The following RANBP2 variants were observed in gnomAD, a reference collection of about 807,000 sequenced individuals.
RANBP2 encodes E3 SUMO-protein ligase RanBP2.
RANBP2 carries 57 observed loss-of-function variants against 303.6 expected under a neutral mutation model. That is an observed-to-expected ratio of 0.19 (90% CI 0.15 to 0.23). The LOEUF (loss-of-function observed/expected upper bound fraction) is 0.23. Among genes scored for constraint, RANBP2 ranks in the 10% least tolerant of loss-of-function variants. The pLI, the probability that RANBP2 is intolerant of heterozygous loss-of-function variation, is 1.00. For missense variants in RANBP2, 3,138 were observed against 3,780.8 expected (o/e 0.83, Z 4.46); for synonymous variants, 1,167 against 1,301.5 (o/e 0.90, Z 2.23).
At chr2:109,170,259 C>T in the RANBP2 span, among the ~76,000 whole-genome samples, 769 of 30,392 alleles carry the variant, frequency 0.025, 13 homozygotes, top group African/African-American at 0.066. Context: ...CTTCTCTTCT[C>T]TTCTCTTCTC....
At chr2:109,533,912 G>T in the RANBP2 span, among the ~76,000 whole-genome samples, 1 of 152,156 alleles carries the variant, frequency 6.6e-6, no homozygotes, top group African/African-American at 2.4e-5. Context: ...ATGTGGAGTG[G>T]CCCCTAGCAC....
chr2:109,249,520 T>TC, the RANBP2 span, among the ~76,000 whole-genome samples: 35 of 5,220 alleles, frequency 6.7e-3, no homozygotes, highest in Admixed American at 0.015. Flanking sequence ...ATTCTTTCTT[T>TC]TTCTTTCTTT....
At chr2:109,614,588 G>C in the RANBP2 span, 2 of 1,420,034 alleles carry the variant, frequency 1.4e-6, no homozygotes, top group Non-Finnish European at 1.8e-6. Flanking sequence ...TGCACGCCGA[G>C]CTGGTGCAGC....
At chr2:109,703,354 C>G in the RANBP2 span, among the ~76,000 whole-genome samples, 1 of 152,222 alleles carries the variant, frequency 6.6e-6, no homozygotes, top group Non-Finnish European at 1.5e-5. Flanking sequence ...GGAGCCACAT[C>G]TGTTGCCTAA....
chr2:108,919,650 G>T, the RANBP2 span, among the ~76,000 whole-genome samples: 1 of 152,160 alleles, frequency 6.6e-6, no homozygotes, highest in African/African-American at 2.4e-5. Flanking sequence ...GAGCCACTGC[G>T]CCTGGCCCTG....
the RANBP2 span, among the ~76,000 whole-genome samples, chr2:109,190,300 A>T: frequency 6.6e-6 from 1 of 151,986 alleles, no homozygotes; most frequent in Non-Finnish European, 1.5e-5. Flanking sequence ...CAACCTCCTG[A>T]GTAGCTGGGA....
the RANBP2 span, among the ~76,000 whole-genome samples, chr2:109,391,107 C>T: frequency 2.6e-5 from 4 of 152,224 alleles, no homozygotes; most frequent in Non-Finnish European, 4.4e-5. Flanking sequence ...GAAAACCATT[C>T]GCTCCGACTC....
chr2:109,176,474 C>G, the RANBP2 span, among the ~76,000 whole-genome samples: 1 of 152,084 alleles, frequency 6.6e-6, no homozygotes, highest in African/African-American at 2.4e-5. Flanking sequence ...GCTCATGCCT[C>G]TAATCCTAAC....
At chr2:108,941,172 C>T in the RANBP2 span, among the ~76,000 whole-genome samples, 1 of 152,196 alleles carries the variant, frequency 6.6e-6, no homozygotes, top group African/African-American at 2.4e-5. Flanking sequence ...GGACTTTAGT[C>T]CTTTTTATTG....
the RANBP2 span, among the ~76,000 whole-genome samples, chr2:108,797,511 G>T: frequency 6.6e-6 from 1 of 152,150 alleles, no homozygotes; most frequent in Non-Finnish European, 1.5e-5. Context: ...CTCAGCAAAT[G>T]TAGATGGTTG....
chr2:109,455,227 A>G, the RANBP2 span, among the ~76,000 whole-genome samples: 1 of 152,142 alleles, frequency 6.6e-6, no homozygotes, highest in African/African-American at 2.4e-5. Context: ...CATCCAGGGT[A>G]GCGGCTGGCA....
At chr2:109,036,039 GA>G in the RANBP2 span, among the ~76,000 whole-genome samples, 1 of 152,196 alleles carries the variant, frequency 6.6e-6, no homozygotes, top group Non-Finnish European at 1.5e-5. Context: ...AATAGCCACT[GA>G]AAACGCCCTT....
At chr2:109,164,198 A>G in the RANBP2 span, among the ~76,000 whole-genome samples, 1 of 151,402 alleles carries the variant, frequency 6.6e-6, no homozygotes, top group Admixed American at 6.6e-5. Context: ...TTTTTTAAAG[A>G]GTTGGGGCCT....
the RANBP2 span, chr2:108,930,191 C>T: frequency 6.8e-6 from 11 of 1,613,992 alleles, no homozygotes; most frequent in African/African-American, 8.0e-5. Flanking sequence ...TTGTAGTACT[C>T]GTTCTCACCG....
the RANBP2 span, among the ~76,000 whole-genome samples, chr2:109,282,024 C>T: frequency 6.6e-6 from 1 of 152,204 alleles, no homozygotes; most frequent in East Asian, 1.9e-4. Flanking sequence ...CAAGATGCTA[C>T]ATCTCTGCTT....
the RANBP2 span, among the ~76,000 whole-genome samples, chr2:109,429,735 G>A: frequency 6.6e-6 from 1 of 152,088 alleles, no homozygotes; most frequent in Non-Finnish European, 1.5e-5. Context: ...CCATCCCCTC[G>A]AGCTTTTGTG....
chr2:109,316,511 T>C, the RANBP2 span, among the ~76,000 whole-genome samples: 1 of 152,208 alleles, frequency 6.6e-6, no homozygotes, highest in Non-Finnish European at 1.5e-5. Flanking sequence ...TTATCACTCC[T>C]CTTAGAGATT....
the RANBP2 span, among the ~76,000 whole-genome samples, chr2:108,869,212 A>G: frequency 6.6e-6 from 1 of 152,174 alleles, no homozygotes; most frequent in Non-Finnish European, 1.5e-5. Flanking sequence ...GAAACCAGTC[A>G]AAGATCTGTA....
chr2:108,797,853 GGAGA>G, the RANBP2 span, among the ~76,000 whole-genome samples: 7 of 152,058 alleles, frequency 4.6e-5, no homozygotes, highest in Non-Finnish European at 2.9e-5. Flanking sequence ...GGAGAATGAG[GGAGA>G]GAGAGTTGGC....
Sources: allele counts gnomAD v4.1 joint callset (sites outside exome capture counted in the v4.1 genomes callset), GRCh38; gene constraint gnomAD v4.1.1; transcripts MANE v1.5; gene names NCBI Gene and HGNC (gene_info 2026-07-23, HGNC 2026-07-21).